The following SNX29 variants were observed in gnomAD, a reference collection of about 807,000 sequenced individuals.
SNX29 encodes sorting nexin 29.
SNX29 carries 78 observed loss-of-function variants against 102.1 expected under a neutral mutation model. The observed-to-expected ratio is 0.76, with a 90% CI of 0.64 to 0.92. The LOEUF is 0.92. Ranked by LOEUF, SNX29 falls within the 40% of genes least tolerant of loss-of-function variation. The pLI, the probability that SNX29 is intolerant of heterozygous loss-of-function variation, is 0.00. For synonymous variants in SNX29, 580 were observed against 414.5 expected, an observed-to-expected ratio of 1.40 and a Z score of -4.85; for missense variants, 1,280 against 1,061.7, an observed-to-expected ratio of 1.21 and a Z score of -2.86.
intron 13 of SNX29, among the ~76,000 whole-genome samples, chr16:12,166,957 G>C (rs1282662185): frequency 2.6e-5 from 4 of 152,224 alleles, no homozygotes; most frequent in Admixed American, 2.6e-4. Flanking sequence ...GCTGCATGGA[G>C]CTCTCCTTAC....
chr16:12,337,993 G>A (rs116111947), intron 15 of SNX29, among the ~76,000 whole-genome samples: 1 of 152,284 alleles, frequency 6.6e-6, no homozygotes, highest in East Asian at 1.9e-4. Context: ...GTTGAATCCA[G>A]GTTCTCTTCA....
intron 1 of SNX29, among the ~76,000 whole-genome samples, chr16:11,992,861 A>G (rs1567502987): frequency 6.6e-6 from 1 of 152,066 alleles, no homozygotes; most frequent in Non-Finnish European, 1.5e-5. Context: ...GCGAAATACC[A>G]CTATTTAAAT....
At position 12,037,932 on chromosome 16, in the gene SNX29, G is replaced by A. The variant is rs557005873; in HGVS notation, c.248-4965G>A. ...ATTGTGCCACTGTGCTCTAGCCTGGGCGACAGAGTGAGACCTTGTCCCCAC... is the reference window on the plus strand; with the variant it reads ...ATTGTGCCACTGTGCTCTAGCCTGGACGACAGAGTGAGACCTTGTCCCCAC... On this transcript the variant is annotated intron_variant, in intron 4 of 20. Transcript: ENST00000566228. Among the ~76,000 whole-genome samples the A allele has an allele frequency of 1.2e-3, 182 of 152,046 alleles. 1 individual carries two copies. The highest frequency in any genetic ancestry group is 4.2e-3 in the African/African-American group (174 of 41,464).
At chr16:12,407,420 C>T (rs1231309554) in intron 18 of SNX29, among the ~76,000 whole-genome samples, 1 of 152,030 alleles carries the variant, frequency 6.6e-6, no homozygotes, top group Non-Finnish European at 1.5e-5. Context: ...GTACAGTCCC[C>T]CTTTAAAATA....
At chr16:12,460,637 G>A (rs1413728098) in intron 18 of SNX29, among the ~76,000 whole-genome samples, 1 of 150,074 alleles carries the variant, frequency 6.7e-6, no homozygotes, top group East Asian at 1.9e-4. Flanking sequence ...CTGGCTGGCT[G>A]CCTCACAAAT....
intron 15 of SNX29, among the ~76,000 whole-genome samples, chr16:12,286,581 A>AAG (rs2079607471): frequency 3.3e-5 from 5 of 150,552 alleles, no homozygotes. Context: ...TCCTCACCTC[A>AAG]TGATCCACCC....
intron 20 of SNX29, among the ~76,000 whole-genome samples, chr16:12,538,001 AAATT>A (rs1342175941): frequency 1.9e-4 from 27 of 141,590 alleles, no homozygotes; most frequent in Non-Finnish European, 3.5e-4. Context: ...AAAAAAAAAA[AAATT>A]GTCTGCCATT....
At chr16:12,180,312 C>T (rs906199190) in intron 13 of SNX29, among the ~76,000 whole-genome samples, 4 of 152,082 alleles carry the variant, frequency 2.6e-5, no homozygotes, top group East Asian at 1.9e-4. Context: ...CTGGTTCTGG[C>T]GTACGTTGTT....
chr16:12,459,894 T>C (rs1388979111), intron 18 of SNX29, among the ~76,000 whole-genome samples: 1 of 151,568 alleles, frequency 6.6e-6, no homozygotes, highest in Non-Finnish European at 1.5e-5. Context: ...AATCAAAGAG[T>C]CTGTGACTAA....
chr16:12,404,768 A>G (rs536039635), intron 18 of SNX29, among the ~76,000 whole-genome samples: 1 of 152,228 alleles, frequency 6.6e-6, no homozygotes, highest in Non-Finnish European at 1.5e-5. Flanking sequence ...AAATGGAGAC[A>G]GTAATCTATC....
chr16:12,480,788 G>A (rs552935158), intron 19 of SNX29, among the ~76,000 whole-genome samples: 1 of 152,294 alleles, frequency 6.6e-6, no homozygotes, highest in Admixed American at 6.5e-5. Context: ...GAGTGGGAGG[G>A]TTTTTCTGGT....
At chr16:12,513,339 C>A (rs118068007) in intron 19 of SNX29, among the ~76,000 whole-genome samples, 42 of 132,128 alleles carry the variant, frequency 3.2e-4, no homozygotes, top group African/African-American at 1.1e-3. Context: ...GCCTGCCCTG[C>A]CCTGCCCTGC....
chr16:12,318,609 A>G lies in SNX29; in HGVS notation c.1783-37554A>G, dbSNP rs571208934. On this transcript the variant is annotated intron_variant, in intron 15 of 20. Coordinates refer to ENST00000566228, the MANE Select transcript of SNX29 (RefSeq NM_032167.5). Reference sequence around the variant, plus strand: ...GGCTCCTGGCTGGACGCGGTGGCTTATGCCTGTAATCCTGTTCCTGGACCA... The same window carrying G: ...GGCTCCTGGCTGGACGCGGTGGCTTGTGCCTGTAATCCTGTTCCTGGACCA... 4.6e-5 allele frequency among the ~76,000 whole-genome samples: 7 copies of G among 152,142 alleles called. No homozygotes were observed. The South Asian group carries it at 1.5e-3, about 32-fold the overall frequency.
intron 1 of SNX29, among the ~76,000 whole-genome samples, chr16:11,996,421 T>C (rs1201780912): frequency 6.6e-6 from 1 of 152,092 alleles, no homozygotes; most frequent in Non-Finnish European, 1.5e-5. Flanking sequence ...TTTAACAAGA[T>C]CTCCAGGAGA....
chr16:12,299,694 C>G (rs993751742), intron 15 of SNX29, among the ~76,000 whole-genome samples: 3 of 150,768 alleles, frequency 2.0e-5, no homozygotes, highest in African/African-American at 7.3e-5. Context: ...CCACCTGCCT[C>G]TTCCCTCCCT....
At chr16:12,057,842 G>T (rs1218605818) in intron 8 of SNX29, among the ~76,000 whole-genome samples, 2 of 149,746 alleles carry the variant, frequency 1.3e-5, no homozygotes, top group Non-Finnish European at 1.5e-5. Context: ...TTTTGAGCTG[G>T]GTTCTCGCTC....
intron 20 of SNX29, among the ~76,000 whole-genome samples, chr16:12,525,697 C>T (rs7198677): frequency 0.018 from 1,933 of 108,204 alleles, 25 homozygotes; most frequent in African/African-American, 0.073. Flanking sequence ...ACGCCCCCCC[C>T]ACCCCCCCCC....
At chr16:12,457,511 C>G (rs1057457750) in intron 18 of SNX29, among the ~76,000 whole-genome samples, 1 of 152,188 alleles carries the variant, frequency 6.6e-6, no homozygotes, top group Admixed American at 6.5e-5. Context: ...AGCCTGAGCT[C>G]TTTCTCTACT....
chr16:12,260,727 C>T (rs1323508683), intron 14 of SNX29, among the ~76,000 whole-genome samples: 1 of 151,528 alleles, frequency 6.6e-6, no homozygotes, highest in African/African-American at 2.4e-5. Context: ...GAGTGTTGAG[C>T]TCAGGTCAGT....
Sources: gnomAD v4.1 joint callset for allele counts (sites outside exome capture counted in the v4.1 genomes callset) on GRCh38, gnomAD v4.1.1 for gene constraint, MANE v1.5 for transcripts, NCBI Gene and HGNC (gene_info 2026-07-23, HGNC 2026-07-21) for gene names.